Variants in MED1 observed in about 807,000 individuals in gnomAD.
MED1 encodes the protein mediator complex subunit 1, also known as mediator of RNA polymerase II transcription subunit 1.
In MED1, 17 loss-of-function variants were observed where a neutral mutation model predicts 121.3. That is an observed-to-expected ratio of 0.14 (90% CI 0.10 to 0.21). The LOEUF (loss-of-function observed/expected upper bound fraction) is 0.21. Ranked by LOEUF, MED1 falls within the 10% of genes least tolerant of loss-of-function variation. The pLI is 1.00. For synonymous variants in MED1, 661 were observed against 694.4 expected (o/e 0.95, Z 0.76); for missense variants, 1,558 against 1,919.4 (o/e 0.81, Z 3.52).
At position 39,423,369 on chromosome 17, in the gene MED1, G is replaced by A. The variant is rs74918189; in HGVS notation, c.1053C>T (p.Asp351=). The change falls in exon 13 of 17, where the codon GAC becomes GAT. Residue 351 remains aspartate, a synonymous_variant. Coordinates refer to ENST00000300651, the MANE Select transcript of MED1 (RefSeq NM_004774.4). The part of the protein sequence containing the change: ...ELITQFELSK[D]PDPIPLNHNM... ...TGTGATTCAAAGGTATGGGGTCAGGGTCCTTTGATAGCTCAAACTGAGTGA... is the reference window on the plus strand; with the variant it reads ...TGTGATTCAAAGGTATGGGGTCAGGATCCTTTGATAGCTCAAACTGAGTGA... 7.6e-4 allele frequency: 1,227 copies of A among 1,613,684 alleles called. 7 individuals carry two copies. The African/African-American group carries it at 0.015, about 20-fold the overall frequency.
chr17:39,429,024 TA>T (rs965157171), intron 9 of MED1, among the ~76,000 whole-genome samples: 372 of 141,008 alleles, frequency 2.6e-3, no homozygotes, highest in Admixed American at 2.7e-3. Context: ...ACAATTGATT[TA>T]AAAAAAAAAA....
At chr17:39,438,863 C>T (rs1354648499) in intron 6 of MED1, among the ~76,000 whole-genome samples, 1 of 152,110 alleles carries the variant, frequency 6.6e-6, no homozygotes, top group Non-Finnish European at 1.5e-5. Context: ...GCAGGAAAAT[C>T]GCTTGAACCC....
In MED1 at chr17:39,409,139, TAGA is replaced by T. The variant is rs779341395; in HGVS notation, c.3079_3081del (p.Ser1027del). 3.6e-5 allele frequency: 58 copies of T among 1,614,204 alleles called. No individual in the cohort carries two copies. In the South Asian group the frequency reaches 5.5e-4, roughly 15 times the overall value. ...CTGGTAGGTGGGGTAAAAGGTCTGT[TAGA>T]AGAACTATGAGATGGAGACTTTCCC... is the stretch of plus-strand genomic sequence containing the variant. On this transcript the variant is annotated inframe_deletion, in exon 17 of 17. Transcript: ENST00000300651.
chr17:39,429,768 T>C (rs1382941993), intron 9 of MED1, among the ~76,000 whole-genome samples: 2 of 149,746 alleles, frequency 1.3e-5, no homozygotes, highest in Non-Finnish European at 3.0e-5. Context: ...CTGGCAATTT[T>C]CTCCCTCTGC....
At chr17:39,448,275 G>T (rs2048747573) in intron 1 of MED1, among the ~76,000 whole-genome samples, 1 of 150,840 alleles carries the variant, frequency 6.6e-6, no homozygotes, top group Non-Finnish European at 1.5e-5. Flanking sequence ...GAGGCTAAGG[G>T]AGGAGAATTG....
chr17:39,442,980 A>C (rs959340091), intron 3 of MED1, among the ~76,000 whole-genome samples: 3 of 149,886 alleles, frequency 2.0e-5, no homozygotes, highest in Non-Finnish European at 4.4e-5. Context: ...AGGGAAAAAA[A>C]ACTTTTCCCA....
In MED1 at chr17:39,424,185, A is replaced by G. The variant is rs529184549; in HGVS notation, c.852-364T>C. Among the ~76,000 whole-genome samples the G allele has an allele frequency of 4.6e-5, 7 of 152,238 alleles. No individual in the cohort carries two copies. The South Asian group carries it at 1.5e-3, about 32-fold the overall frequency. ...GGCGTGAGCCACCATGCCTGGCCAC[A>G]AACACCTATTCTTAAACATGTATGT... On this transcript the variant is annotated intron_variant, in intron 11 of 16. Transcript: ENST00000300651.
intron 2 of MED1, among the ~76,000 whole-genome samples, chr17:39,446,288 A>C (rs1253394036): frequency 2.7e-5 from 4 of 150,740 alleles, no homozygotes; most frequent in Non-Finnish European, 4.4e-5. Flanking sequence ...GTCTCTACTA[A>C]AAATACAAAA....
chr17:39,415,913 C>G (rs1054819179), intron 14 of MED1, among the ~76,000 whole-genome samples: 1 of 150,492 alleles, frequency 6.6e-6, no homozygotes, highest in Non-Finnish European at 1.5e-5. Context: ...TCGTTTCAAC[C>G]TGGGAGGCAA....
At chr17:39,433,945 G>C (rs1459629937) in intron 7 of MED1, among the ~76,000 whole-genome samples, 1 of 152,126 alleles carries the variant, frequency 6.6e-6, no homozygotes, top group Non-Finnish European at 1.5e-5. Flanking sequence ...AGAATCCCAG[G>C]TAGGTTAAAA....
At chr17:39,424,807 A>G in intron 10 of MED1, 69 bp from the exon 11 acceptor site, 1 of 944,910 alleles carries the variant, frequency 1.1e-6, no homozygotes, top group Non-Finnish European at 1.7e-6. Flanking sequence ...GTATGTTTTA[A>G]GAGGTTAATT....
chr17:39,441,373 T>G (rs547432381), intron 3 of MED1, among the ~76,000 whole-genome samples: 3 of 152,072 alleles, frequency 2.0e-5, no homozygotes, highest in African/African-American at 4.8e-5. Context: ...AGATGGACAG[T>G]GGTGATGATT....
rs567341631 is a variant in MED1, at chr17:39,440,473, C to T, written c.312G>A (p.Thr104=). The change falls in exon 5 of 17, where the codon ACG becomes ACA. Residue 104 remains threonine (T), a synonymous_variant. Transcript: ENST00000300651. This position sits in a 1 kb window ranked among gnomAD's most constrained non-coding sequence, Gnocchi z 4.1. The part of the protein sequence containing the change: ...LSASGTECYI[T]SDMFYVEVQL... Reference sequence around the variant, plus strand: ...GCACTTCCACATAGAACATATCTGACGTGATGTAACATTCAGTGCCACTGG... The same window carrying T: ...GCACTTCCACATAGAACATATCTGATGTGATGTAACATTCAGTGCCACTGG... The T allele has an allele frequency of 8.7e-6, 14 of 1,605,184 alleles. No homozygotes were observed. The highest frequency in any genetic ancestry group is 1.3e-5 in the African/African-American group (1 of 74,248).
rs143336288 is a variant in MED1 at position 39,439,153 on chromosome 17, G to A, written c.428+12C>T. 44 of 1,592,104 alleles carry A rather than the reference G, an allele frequency of 2.8e-5. No homozygotes were observed. The highest frequency in any genetic ancestry group is 8.2e-5 in the African/African-American group (6 of 73,610). On this transcript the variant is annotated intron_variant, in intron 6 of 16. Coordinates refer to ENST00000300651, the MANE Select transcript of MED1 (RefSeq NM_004774.4). ...CTGTCAATATCAAGGAATATAAATC[G>A]TATTTGCTCACCTTAGCTGCTGTAC... is the stretch of plus-strand genomic sequence containing the variant.
chr17:39,416,104 A>G (rs1200753334), intron 14 of MED1, among the ~76,000 whole-genome samples: 1 of 152,170 alleles, frequency 6.6e-6, no homozygotes, highest in Non-Finnish European at 1.5e-5. Context: ...AAAACCTACT[A>G]TATGTCATCC....
At position 39,443,036 on chromosome 17, in the gene MED1, C is replaced by CCA. The variant is rs2048694718; in HGVS notation, c.211+513_211+514insTG. Among the ~76,000 whole-genome samples the CCA allele has an allele frequency of 2.1e-5, 3 of 140,674 alleles. No homozygotes were observed. In the South Asian group the frequency reaches 6.8e-4, roughly 32 times the overall value. The allele number at this position is 140,674 out of a possible 152,430, so 92.3% of individuals were successfully genotyped here. The stretch of plus-strand genomic sequence containing the variant: ...TTTTTTTTTTGAGACAAGTCTTGCC[C>CCA]TGTTGCCCAGGCTGGAGTGTAATGG... On this transcript the variant is annotated intron_variant, in intron 3 of 16. Transcript: ENST00000300651.
rs753954511 is a variant in MED1 at position 39,410,374 on chromosome 17, G to C, written c.1847C>G (p.Ser616Cys). ...AGGGGTCGGACTCGAGCCAATGGTAGACCCCCCGTTCCCTGTGATTTGCAA... is the reference window on the plus strand; with the variant it reads ...AGGGGTCGGACTCGAGCCAATGGTACACCCCCCGTTCCCTGTGATTTGCAA... ...SLLQITGNGG[S>C]TIGSSPTPPH... The change falls in exon 17 of 17, where the codon TCT becomes TGT. Residue 616 changes from serine (S) to cysteine (C), a missense_variant. Ser to Cys is a moderately radical substitution (Grantham distance 112, BLOSUM62 -1). Coordinates refer to ENST00000300651, the MANE Select transcript of MED1 (RefSeq NM_004774.4). The C allele has an allele frequency of 1.2e-6, 2 of 1,614,082 alleles. No individual in the cohort carries two copies. Among genetic ancestry groups the C allele is most frequent in the Admixed American group, 1.7e-5 (1 of 59,998 alleles).
chr17:39,446,178 G>A (rs928605192), intron 2 of MED1, among the ~76,000 whole-genome samples: 42 of 151,878 alleles, frequency 2.8e-4, no homozygotes, highest in African/African-American at 9.4e-4. Context: ...CTGGCTAAGC[G>A]CAGTGGCTAC....
intron 8 of MED1, 138 bp from the exon 9 acceptor site, chr17:39,431,326 G>A: frequency 1.6e-6 from 1 of 637,014 alleles, no homozygotes; most frequent in Non-Finnish European, 2.7e-6. Context: ...CGCCCAGGCT[G>A]AAGTGCAGTG....
Sources: gnomAD v4.1 joint callset for allele counts (sites outside exome capture counted in the v4.1 genomes callset) on GRCh38, gnomAD v4.1.1 for gene constraint, Gnocchi (gnomAD v3.1) non-coding constraint, MANE v1.5 for transcripts, NCBI Gene and HGNC (gene_info 2026-07-23, HGNC 2026-07-21) for gene names.